SLC35F1: variants seen among roughly 807,000 people sequenced by gnomAD.
SLC35F1 encodes chromosome 6 open reading frame 169.
A neutral mutation model predicts 48.7 loss-of-function variants in SLC35F1; 14 were observed. The ratio of observed to expected loss-of-function variants is 0.29; its 90% CI spans 0.19 to 0.45. The LOEUF (loss-of-function observed/expected upper bound fraction) is 0.45. Among genes scored for constraint, SLC35F1 ranks in the 20% least tolerant of loss-of-function variants. The pLI is 1.00. For synonymous variants in SLC35F1, 190 were observed against 202.2 expected, an observed-to-expected ratio of 0.94 and a Z score of 0.51; for missense variants, 404 against 500.0, an observed-to-expected ratio of 0.81 and a Z score of 1.83.
At chr6:118,285,414 G>T in intron 7 of SLC35F1, 76 bp downstream of exon 7, 1 of 1,536,534 alleles carries the variant, frequency 6.5e-7, no homozygotes, top group South Asian at 1.1e-5. Flanking sequence ...ATGCCTGGAT[G>T]TGAAATGCCC....
At chr6:117,965,363 G>A (rs1335926600) in intron 1 of SLC35F1, among the ~76,000 whole-genome samples, 2 of 152,154 alleles carry the variant, frequency 1.3e-5, no homozygotes, top group Admixed American at 6.5e-5. Context: ...AGCAAACATT[G>A]AGCTACTGGC....
At chr6:118,136,988 C>T (rs549242053) in intron 1 of SLC35F1, among the ~76,000 whole-genome samples, 1 of 152,336 alleles carries the variant, frequency 6.6e-6, no homozygotes, top group Non-Finnish European at 1.5e-5. Flanking sequence ...ATAACTTTCA[C>T]AGGTTCCTAA....
At chr6:118,063,385 T>A (rs1000868005) in intron 1 of SLC35F1, among the ~76,000 whole-genome samples, 1 of 151,468 alleles carries the variant, frequency 6.6e-6, no homozygotes, top group Non-Finnish European at 1.5e-5. Flanking sequence ...GAATTTCCTA[T>A]GGTTAAGGCA....
chr6:117,943,195 G>C (rs1262264160), intron 1 of SLC35F1, among the ~76,000 whole-genome samples: 1 of 152,106 alleles, frequency 6.6e-6, no homozygotes, highest in Non-Finnish European at 1.5e-5. Flanking sequence ...ATCTCTAACC[G>C]AATTGTTTGG....
intron 1 of SLC35F1, among the ~76,000 whole-genome samples, chr6:118,110,293 G>A (rs1037747606): frequency 2.6e-5 from 4 of 152,084 alleles, no homozygotes; most frequent in African/African-American, 9.7e-5. Flanking sequence ...ATGGAGAAAT[G>A]GACAGCTATA....
At chr6:117,995,237 A>C (rs1159465512) in intron 1 of SLC35F1, among the ~76,000 whole-genome samples, 1 of 152,222 alleles carries the variant, frequency 6.6e-6, no homozygotes, top group Non-Finnish European at 1.5e-5. Flanking sequence ...TCTACCACTG[A>C]AATGTATTAT....
intron 2 of SLC35F1, among the ~76,000 whole-genome samples, chr6:118,193,961 G>T (rs1159452258): frequency 1.3e-5 from 2 of 152,112 alleles, no homozygotes; most frequent in African/African-American, 2.4e-5. Flanking sequence ...GATTACAAAA[G>T]TCACATGAAC....
rs79060244 is a variant in SLC35F1, at chr6:118,085,886, C to G, written c.174-68559C>G. ...TGTCCAGTCCTGAAATTTTACAGTT[C>G]TATGTATTTTTTCATAGTGGTTCTA... On this transcript the variant is annotated intron_variant, in intron 1 of 7. Coordinates refer to ENST00000360388, the MANE Select transcript of SLC35F1 (RefSeq NM_001029858.4). Among the ~76,000 whole-genome samples, 731 of 152,114 alleles carry G rather than the reference C, an allele frequency of 4.8e-3. 5 individuals carry two copies. The highest frequency in any genetic ancestry group is 0.017 in the African/African-American group (691 of 41,496).
chr6:118,022,930 T>G (rs886269082), intron 1 of SLC35F1, among the ~76,000 whole-genome samples: 3 of 151,982 alleles, frequency 2.0e-5, no homozygotes, highest in Admixed American at 1.3e-4. Context: ...CTTTTTTTTC[T>G]TGTATTTTTA....
At chr6:118,294,889 T>C (rs1222534673) in intron 7 of SLC35F1, among the ~76,000 whole-genome samples, 1 of 152,240 alleles carries the variant, frequency 6.6e-6, no homozygotes, top group Non-Finnish European at 1.5e-5. Context: ...GGTAATGTGA[T>C]TAATGTGAAT....
At chr6:118,296,567 G>T (rs755770556) in intron 7 of SLC35F1, among the ~76,000 whole-genome samples, 5 of 152,158 alleles carry the variant, frequency 3.3e-5, no homozygotes, top group Non-Finnish European at 7.3e-5. Context: ...GAGAAGTTGG[G>T]AATAAATGGT....
intron 2 of SLC35F1, among the ~76,000 whole-genome samples, chr6:118,212,299 CA>C (rs767808469): frequency 1.3e-5 from 2 of 152,180 alleles, no homozygotes; most frequent in African/African-American, 4.8e-5. Flanking sequence ...TGACTTTTCT[CA>C]AAACCAGTTC....
At chr6:118,243,290 G>A (rs1414763693) in intron 3 of SLC35F1, among the ~76,000 whole-genome samples, 1 of 152,154 alleles carries the variant, frequency 6.6e-6, no homozygotes, top group African/African-American at 2.4e-5. Context: ...CATATGAGTA[G>A]ATTTGGCATA....
chr6:118,026,319 C>G (rs995467734), intron 1 of SLC35F1, among the ~76,000 whole-genome samples: 2 of 152,108 alleles, frequency 1.3e-5, no homozygotes, highest in African/African-American at 4.8e-5. Flanking sequence ...AGAAAGGCCA[C>G]TATGGGAGAA....
chr6:117,970,551 A>G (rs1490270747), intron 1 of SLC35F1, among the ~76,000 whole-genome samples: 2 of 152,142 alleles, frequency 1.3e-5, no homozygotes, highest in African/African-American at 4.8e-5. Context: ...GCCACCTGAG[A>G]GCCACTGTAT....
chr6:118,013,087 C>T (rs1216207898), intron 1 of SLC35F1, among the ~76,000 whole-genome samples: 1 of 152,174 alleles, frequency 6.6e-6, no homozygotes, highest in East Asian at 1.9e-4. Flanking sequence ...CTGTTTTCTG[C>T]AGCTCAATGA....
chr6:118,002,430 G>A lies in SLC35F1; in HGVS notation c.173+94531G>A, dbSNP rs1031253361. On this transcript the variant is annotated intron_variant, in intron 1 of 7. Transcript: ENST00000360388. The stretch of plus-strand genomic sequence containing the variant: ...AACACATGGACACAGGAAGGGGAAC[G>A]TCAAACTCTGGGGATTGTTGTGGGG... Among the ~76,000 whole-genome samples, 15 of 151,244 alleles carry A rather than the reference G, an allele frequency of 9.9e-5. No individual in the cohort carries two copies. The South Asian group carries it at 1.0e-3, about 11-fold the overall frequency.
chr6:117,958,762 CAG>C (rs1383311923), intron 1 of SLC35F1, among the ~76,000 whole-genome samples: 2 of 152,130 alleles, frequency 1.3e-5, no homozygotes, highest in African/African-American at 4.8e-5. Flanking sequence ...ATACATTTCC[CAG>C]AGTGTTTCCT....
At chr6:118,018,480 T>G (rs1777351958) in intron 1 of SLC35F1, among the ~76,000 whole-genome samples, 2 of 152,206 alleles carry the variant, frequency 1.3e-5, no homozygotes, top group South Asian at 4.1e-4. Flanking sequence ...TTTATATATA[T>G]CGAAAGCATT....
Sources: gnomAD v4.1 joint callset for allele counts (sites outside exome capture counted in the v4.1 genomes callset) on GRCh38, gnomAD v4.1.1 for gene constraint, MANE v1.5 for transcripts, NCBI Gene and HGNC (gene_info 2026-07-23, HGNC 2026-07-21) for gene names.